The following BNC2 variants were observed in gnomAD, a reference collection of about 807,000 sequenced individuals.
The protein encoded by BNC2 is zinc finger protein basonuclin-2.
In BNC2, 20 loss-of-function variants were observed where a neutral mutation model predicts 76.3. That is an observed-to-expected ratio of 0.26 (90% confidence interval 0.18 to 0.38). The LOEUF is 0.38. BNC2 is among the 10% of genes least tolerant of loss of function. BNC2 has a pLI of 1.00. For missense variants in BNC2, 1,382 were observed against 1,399.8 expected (o/e 0.99, Z 0.20); for synonymous variants, 582 against 514.8 (o/e 1.13, Z -1.77).
At chr9:16,428,925 A>G (rs1820852811) in intron 6 of BNC2, among the ~76,000 whole-genome samples, 2 of 152,332 alleles carry the variant, frequency 1.3e-5, no homozygotes, top group Middle Eastern at 3.4e-3. Context: ...GAAATAACTG[A>G]AGAAAAATTG....
chr9:16,781,187 G>A (rs1011632107), intron 1 of BNC2, among the ~76,000 whole-genome samples: 1 of 151,224 alleles, frequency 6.6e-6, no homozygotes, highest in Non-Finnish European at 1.5e-5. Context: ...CAGCTGATAC[G>A]CTTTTACTTG....
At chr9:16,854,796 T>C (rs1482772040) in intron 1 of BNC2, among the ~76,000 whole-genome samples, 1 of 151,594 alleles carries the variant, frequency 6.6e-6, no homozygotes, top group Non-Finnish European at 1.5e-5. Context: ...AATTTGTCTA[T>C]CACAAGGGCA....
intron 2 of BNC2, among the ~76,000 whole-genome samples, chr9:16,730,795 A>G (rs189652250): frequency 3.2e-4 from 48 of 152,368 alleles, no homozygotes; most frequent in Middle Eastern, 3.4e-3. Context: ...ATATTTTTTC[A>G]TAAATATACA....
intron 1 of BNC2, among the ~76,000 whole-genome samples, chr9:16,823,517 C>T (rs1210827338): frequency 1.3e-5 from 2 of 151,032 alleles, no homozygotes; most frequent in South Asian, 2.1e-4. Context: ...ATAGGAGGAT[C>T]GCTTGAGCCT....
At chr9:16,567,638 G>A (rs1405561125) in intron 4 of BNC2, among the ~76,000 whole-genome samples, 1 of 152,038 alleles carries the variant, frequency 6.6e-6, no homozygotes, top group East Asian at 1.9e-4. Context: ...GAGTATAAAA[G>A]TGCTTTTCAC....
intron 1 of BNC2, among the ~76,000 whole-genome samples, chr9:16,800,679 T>A (rs1460075274): frequency 2.0e-5 from 3 of 152,184 alleles, no homozygotes; most frequent in Non-Finnish European, 4.4e-5. Flanking sequence ...TTAAATAATT[T>A]TCAGTGCAAG....
At chr9:16,846,511 C>G (rs1324095639) in intron 1 of BNC2, among the ~76,000 whole-genome samples, 6 of 152,228 alleles carry the variant, frequency 3.9e-5, no homozygotes, top group Non-Finnish European at 8.8e-5. Context: ...CAATCTATCA[C>G]CAGCATTAAC....
intron 4 of BNC2, among the ~76,000 whole-genome samples, chr9:16,581,875 C>G (rs1313577226): frequency 6.6e-6 from 1 of 152,158 alleles, no homozygotes; most frequent in African/African-American, 2.4e-5. Flanking sequence ...ATTGTGGCTG[C>G]ATGGTGGAAA....
intron 3 of BNC2, among the ~76,000 whole-genome samples, chr9:16,593,531 C>CGTGT (rs60449137): frequency 9.9e-5 from 15 of 150,996 alleles, no homozygotes; most frequent in African/African-American, 2.7e-4. Context: ...CTTTGGAGTG[C>CGTGT]GTGTGTGTGT....
intron 5 of BNC2, among the ~76,000 whole-genome samples, chr9:16,493,377 C>G (rs985320186): frequency 2.0e-5 from 3 of 152,020 alleles, no homozygotes; most frequent in East Asian, 3.9e-4. Flanking sequence ...AATATTGATA[C>G]AAAAATGATT....
intron 5 of BNC2, among the ~76,000 whole-genome samples, chr9:16,480,612 C>T (rs192697615): frequency 4.5e-4 from 68 of 152,320 alleles, no homozygotes; most frequent in African/African-American, 1.6e-3. Context: ...AGCAGCAGGC[C>T]GGCCCTGCTG....
intron 5 of BNC2, among the ~76,000 whole-genome samples, chr9:16,516,705 TTAAGAC>T (rs1254819785): frequency 6.6e-6 from 1 of 152,198 alleles, no homozygotes; most frequent in African/African-American, 2.4e-5. Flanking sequence ...GAAAAATCTC[TTAAGAC>T]TAATAGGAGA....
chr9:16,417,951 T>C lies in BNC2; in HGVS notation c.*1038A>G, dbSNP rs972095337. 2.0e-5 allele frequency: 3 copies of C among 152,674 alleles called. No homozygotes were observed. Among genetic ancestry groups the C allele is most frequent in the Non-Finnish European group, 4.4e-5 (3 of 68,052 alleles). 9.5% of individuals were successfully genotyped at this position (152,674 alleles called of 1,614,324 possible). A position where few individuals can be genotyped will look rare whatever the true frequency, so the allele number is the denominator to read the frequency against. On this transcript the variant is annotated 3_prime_UTR_variant, in exon 7 of 7. Transcript: ENST00000380672. ...GCCAACAAATTGGCCTGTGGTTATG[T>C]TGAGTGACTAATTGTATTTTCTTTT...
intron 5 of BNC2, among the ~76,000 whole-genome samples, chr9:16,552,124 T>A (rs527990002): frequency 6.6e-6 from 1 of 152,224 alleles, no homozygotes; most frequent in South Asian, 2.1e-4. Flanking sequence ...ACACCGTACC[T>A]GCAAACTGAG....
intron 3 of BNC2, among the ~76,000 whole-genome samples, chr9:16,705,820 A>T (rs946551136): frequency 6.6e-6 from 1 of 152,212 alleles, no homozygotes; most frequent in Non-Finnish European, 1.5e-5. Context: ...TAGATTTACA[A>T]AACACCCAGA....
intron 5 of BNC2, among the ~76,000 whole-genome samples, chr9:16,529,456 C>T (rs1817911455): frequency 6.6e-6 from 1 of 152,208 alleles, no homozygotes; most frequent in Non-Finnish European, 1.5e-5. Flanking sequence ...TTGCATTATA[C>T]ATTACTGCAA....
intron 4 of BNC2, among the ~76,000 whole-genome samples, chr9:16,553,830 T>C (rs1818738849): frequency 6.6e-6 from 1 of 152,202 alleles, no homozygotes; most frequent in Admixed American, 6.5e-5. Flanking sequence ...CCTCAGTTTC[T>C]CAAGCAATAA....
intron 3 of BNC2, among the ~76,000 whole-genome samples, chr9:16,652,274 G>A (rs1016885286): frequency 2.0e-5 from 3 of 151,968 alleles, no homozygotes; most frequent in Non-Finnish European, 4.4e-5. Flanking sequence ...TTTTCTCTCA[G>A]GAGTCTGCAA....
At chr9:16,614,692 A>G (rs1820646110) in intron 3 of BNC2, among the ~76,000 whole-genome samples, 1 of 151,978 alleles carries the variant, frequency 6.6e-6, no homozygotes, top group South Asian at 2.1e-4. Flanking sequence ...CATGCCTGTA[A>G]TTCCAGCACT....
Sources: gnomAD v4.1 joint callset for allele counts (sites outside exome capture counted in the v4.1 genomes callset) on GRCh38, gnomAD v4.1.1 for gene constraint, MANE v1.5 for transcripts, NCBI Gene and HGNC (gene_info 2026-07-23, HGNC 2026-07-21) for gene names.